Variants in WWTR1 observed in about 807,000 individuals in gnomAD.
WWTR1 encodes WW domain containing transcription regulator 1.
A neutral mutation model predicts 40.1 loss-of-function variants in WWTR1; 13 were observed. The ratio of observed to expected loss-of-function variants is 0.32; its 90% CI spans 0.21 to 0.52. The LOEUF (loss-of-function observed/expected upper bound fraction) is 0.52, where lower values mean the gene tolerates loss of function less well. WWTR1 is among the 20% of genes least tolerant of loss of function. The pLI is 0.97. For synonymous variants in WWTR1, 230 were observed against 210.1 expected, an observed-to-expected ratio of 1.09 and a Z score of -0.82; for missense variants, 436 against 523.1, an observed-to-expected ratio of 0.83 and a Z score of 1.63.
At chr3:149,643,805 A>T (rs1332314512) in intron 2 of WWTR1, among the ~76,000 whole-genome samples, 1 of 152,006 alleles carries the variant, frequency 6.6e-6, no homozygotes, top group African/African-American at 2.4e-5. Context: ...ATCTTCCTTG[A>T]CCTCTGAGAA....
At chr3:149,686,584 C>A (rs1714664005) in intron 1 of WWTR1, among the ~76,000 whole-genome samples, 1 of 152,114 alleles carries the variant, frequency 6.6e-6, no homozygotes, top group Non-Finnish European at 1.5e-5. Flanking sequence ...CCAAAGACCT[C>A]CTAGGCAACT....
intron 3 of WWTR1, among the ~76,000 whole-genome samples, chr3:149,553,923 C>T (rs567120600): frequency 2.0e-5 from 3 of 152,130 alleles, no homozygotes; most frequent in South Asian, 2.1e-4. Context: ...GACTCAGTCA[C>T]GATACAATGA....
intron 2 of WWTR1, among the ~76,000 whole-genome samples, chr3:149,640,278 G>A (rs1712091169): frequency 6.6e-6 from 1 of 152,182 alleles, no homozygotes; most frequent in Middle Eastern, 3.4e-3. Flanking sequence ...CAGATCAAGA[G>A]CAAAACAATT....
At chr3:149,523,301 T>G (rs1052503443) in intron 6 of WWTR1, among the ~76,000 whole-genome samples, 1 of 150,562 alleles carries the variant, frequency 6.6e-6, no homozygotes, top group Non-Finnish European at 1.5e-5. Context: ...CAAGCTAGAG[T>G]GCAATGGCAC....
At chr3:149,639,984 ACTCCGT>A (rs1239345499) in intron 2 of WWTR1, among the ~76,000 whole-genome samples, 1 of 123,028 alleles carries the variant, frequency 8.1e-6, no homozygotes, top group Non-Finnish European at 1.6e-5. Context: ...ACACAGCGAG[ACTCCGT>A]CTCAAAAAAA....
At chr3:149,652,554 T>C (rs1205926102) in intron 2 of WWTR1, among the ~76,000 whole-genome samples, 1 of 137,182 alleles carries the variant, frequency 7.3e-6, no homozygotes, top group East Asian at 2.1e-4. Flanking sequence ...GCCCAGGAAT[T>C]TGAGGCTTCA....
At chr3:149,723,444 T>G (rs957952991) in intron 4 of WWTR1, among the ~76,000 whole-genome samples, 4 of 152,204 alleles carry the variant, frequency 2.6e-5, no homozygotes, top group Non-Finnish European at 4.4e-5. Context: ...TGCCTCAGCC[T>G]CCCAAAGTGC....
At chr3:149,651,030 C>T (rs540099544) in intron 2 of WWTR1, among the ~76,000 whole-genome samples, 2 of 152,336 alleles carry the variant, frequency 1.3e-5, no homozygotes, top group South Asian at 4.1e-4. Context: ...TACTGAACAT[C>T]TCCTGTGCGC....
chr3:149,662,885 C>T (rs1576630635), upstream of WWTR1, among the ~76,000 whole-genome samples: 2 of 152,312 alleles, frequency 1.3e-5, no homozygotes, highest in East Asian at 3.9e-4. Flanking sequence ...ATACACCTAC[C>T]TGAACTTTGC....
At chr3:149,540,624 A>G (rs146036835) in intron 4 of WWTR1, among the ~76,000 whole-genome samples, 1,793 of 152,320 alleles carry the variant, frequency 0.012, 46 homozygotes, top group African/African-American at 0.041. Flanking sequence ...AAGACAGAAA[A>G]CAATTAACAA....
intron 1 of WWTR1, among the ~76,000 whole-genome samples, chr3:149,680,095 T>A (rs1714405293): frequency 6.6e-6 from 1 of 152,176 alleles, no homozygotes; most frequent in African/African-American, 2.4e-5. Flanking sequence ...ACCACACAAT[T>A]TACTGTCCAA....
intron 3 of WWTR1, among the ~76,000 whole-genome samples, chr3:149,560,417 A>T (rs17195672): frequency 0.14 from 20,792 of 152,230 alleles, 1,572 homozygotes; most frequent in Middle Eastern, 0.18. Flanking sequence ...GATATAGGGA[A>T]GGTGTCCAGA....
At chr3:149,523,405 C>G (rs1271012067) in intron 6 of WWTR1, among the ~76,000 whole-genome samples, 1 of 152,100 alleles carries the variant, frequency 6.6e-6, no homozygotes, top group Non-Finnish European at 1.5e-5. Context: ...TGTGCCACCA[C>G]GCCCAGCTAA....
chr3:149,645,750 A>G (rs908411103), intron 2 of WWTR1, among the ~76,000 whole-genome samples: 2 of 152,194 alleles, frequency 1.3e-5, no homozygotes, highest in Admixed American at 1.3e-4. Flanking sequence ...TAGGAGAAAG[A>G]TATTCAGTAT....
At chr3:149,686,379 G>C (rs889598719) in intron 1 of WWTR1, among the ~76,000 whole-genome samples, 1 of 152,126 alleles carries the variant, frequency 6.6e-6, no homozygotes, top group East Asian at 1.9e-4. Context: ...ACCAGCTAGG[G>C]ATGGTGGCCA....
chr3:149,555,687 G>T (rs886814305), intron 3 of WWTR1, among the ~76,000 whole-genome samples: 1 of 152,016 alleles, frequency 6.6e-6, no homozygotes, highest in African/African-American at 2.4e-5. Flanking sequence ...AACAGTGGTG[G>T]TGTTTCGCTT....
In WWTR1 at chr3:149,520,743, C is replaced by T. The variant is rs912672568; in HGVS notation, c.*62G>A. On this transcript the variant is annotated 3_prime_UTR_variant, in exon 7 of 7. Transcript: ENST00000360632. The stretch of plus-strand genomic sequence containing the variant: ...CCTGCAGACTTGCTCTGCTCCATCA[C>T]TTTTTCCAAGAGGCCCAGGAAATGT... 2.8e-6 allele frequency: 4 copies of T among 1,442,682 alleles called. No homozygotes were observed. The highest frequency in any genetic ancestry group is 2.6e-5 in the East Asian group (1 of 38,960). The allele number at this position is 1,442,682 out of a possible 1,614,324, so 89.4% of individuals were successfully genotyped here.
chr3:149,645,333 C>G (rs1712452642), intron 2 of WWTR1, among the ~76,000 whole-genome samples: 1 of 152,082 alleles, frequency 6.6e-6, no homozygotes, highest in Non-Finnish European at 1.5e-5. Flanking sequence ...CCCGCCTCGG[C>G]CTCCCAAAGT....
At chr3:149,696,062 G>A (rs1228936409) in intron 1 of WWTR1, among the ~76,000 whole-genome samples, 8 of 131,588 alleles carry the variant, frequency 6.1e-5, no homozygotes, top group Non-Finnish European at 9.2e-5. Context: ...GCAGTGAGCC[G>A]AGATCACGCC....
Sources: gnomAD v4.1 joint callset for allele counts (sites outside exome capture counted in the v4.1 genomes callset) on GRCh38, gnomAD v4.1.1 for gene constraint, MANE v1.5 for transcripts, NCBI Gene and HGNC (gene_info 2026-07-23, HGNC 2026-07-21) for gene names.